PCGF5: variants seen among roughly 807,000 people sequenced by gnomAD.
PCGF5 encodes the protein polycomb group ring finger 5, also known as polycomb group RING finger protein 5.
Under a neutral mutation model 44.3 loss-of-function variants are expected in PCGF5, and 9 were observed. The ratio of observed to expected loss-of-function variants is 0.20; its 90% CI spans 0.12 to 0.35. PCGF5 has a LOEUF of 0.35. Among genes scored for constraint, PCGF5 ranks in the 10% least tolerant of loss-of-function variants. PCGF5 has a pLI of 1.00. For missense variants in PCGF5, 146 were observed against 305.3 expected (o/e 0.48, Z 3.89); for synonymous variants, 95 against 102.5 (o/e 0.93, Z 0.44).
At chr10:91,236,885 C>T (rs1456705371) in intron 2 of PCGF5, among the ~76,000 whole-genome samples, 3 of 152,106 alleles carry the variant, frequency 2.0e-5, no homozygotes, top group Non-Finnish European at 2.9e-5. Context: ...AAATAAGCTA[C>T]TGAAAAGGGC....
chr10:91,217,643 T>C (rs1367084528), upstream of PCGF5, among the ~76,000 whole-genome samples: 4 of 152,238 alleles, frequency 2.6e-5, no homozygotes, highest in Non-Finnish European at 5.9e-5. Context: ...GCAGCAGTTA[T>C]CACTTTGGGA....
chr10:91,237,038 A>AACAAAATGGATTCAAATATTGGTTT (rs1461416212), intron 2 of PCGF5, among the ~76,000 whole-genome samples: 4 of 152,234 alleles, frequency 2.6e-5, no homozygotes, highest in Admixed American at 2.0e-4. Flanking sequence ...TACATTGGTT[A>AACAAAATGGATTCAAATATTGGTTT]ACAAAATGGA....
At chr10:91,177,731 C>T (rs1252472464) in intron 1 of PCGF5, among the ~76,000 whole-genome samples, 2 of 152,152 alleles carry the variant, frequency 1.3e-5, no homozygotes, top group African/African-American at 2.4e-5. Flanking sequence ...TCTCCTGGTG[C>T]GCCATTTGCT....
At chr10:91,182,470 T>C (rs1302370975) in intron 1 of PCGF5, among the ~76,000 whole-genome samples, 1 of 152,080 alleles carries the variant, frequency 6.6e-6, no homozygotes, top group East Asian at 1.9e-4. Flanking sequence ...GTTGTCTATA[T>C]ATTTTATTAT....
intron 1 of PCGF5, among the ~76,000 whole-genome samples, chr10:91,189,589 A>G (rs1327775047): frequency 6.6e-6 from 1 of 152,252 alleles, no homozygotes; most frequent in Admixed American, 6.5e-5. Flanking sequence ...CAAGCTGATA[A>G]GATCTTTCCA....
At chr10:91,163,072 C>G (rs1843418705) in exon 1 of PCGF5, 1 of 149,052 alleles carries the variant, frequency 6.7e-6, no homozygotes, top group African/African-American at 2.4e-5. Flanking sequence ...CGTGGCCTCT[C>G]GAGAGCAAGG....
intron 1 of PCGF5, among the ~76,000 whole-genome samples, chr10:91,170,514 G>A (rs1358853388): frequency 6.6e-6 from 1 of 152,134 alleles, no homozygotes; most frequent in East Asian, 1.9e-4. Flanking sequence ...AAAAGATACT[G>A]CACATCATAT....
Position 91,251,357 on chromosome 10 carries a change from G to A in PCGF5, c.391G>A (p.Asp131Asn). 1 of 1,610,690 alleles carries A rather than the reference G, an allele frequency of 6.2e-7. No homozygotes were observed. Among genetic ancestry groups the A allele is most frequent in the Non-Finnish European group, 8.5e-7 (1 of 1,177,720 alleles). ...AGGTGATGAAAATGAAGATGATAAA[G>A]ATTATCACAGAAGTGACCCACAAAT... Reference protein sequence around the residue: ...EEGDENEDDKDYHRSDPQIAI... With the variant: ...EEGDENEDDKNYHRSDPQIAI... Residue 131 changes from aspartate (D) to asparagine (N), a missense_variant, in exon 6 of 10, where the codon GAT (aspartate) becomes AAT (asparagine). Transcript: ENST00000336126.
chr10:91,246,875 A>G (rs1179279247), intron 3 of PCGF5, among the ~76,000 whole-genome samples: 1 of 152,134 alleles, frequency 6.6e-6, no homozygotes, highest in Non-Finnish European at 1.5e-5. Flanking sequence ...AAAAGGAGGT[A>G]CTTGAAATGT....
At chr10:91,270,234 T>G (rs1036440289) in intron 8 of PCGF5, among the ~76,000 whole-genome samples, 5 of 152,182 alleles carry the variant, frequency 3.3e-5, no homozygotes, top group African/African-American at 1.2e-4. Flanking sequence ...TCATCCTGAT[T>G]TAGTTTTATC....
At chr10:91,177,100 CTGTT>C (rs1289739317) in intron 1 of PCGF5, among the ~76,000 whole-genome samples, 1 of 152,194 alleles carries the variant, frequency 6.6e-6, no homozygotes, top group Non-Finnish European at 1.5e-5. Context: ...GATGTCCTTT[CTGTT>C]TGTTAGTTTT....
At chr10:91,204,432 A>G (rs911218661) in intron 1 of PCGF5, among the ~76,000 whole-genome samples, 1 of 152,190 alleles carries the variant, frequency 6.6e-6, no homozygotes, top group African/African-American at 2.4e-5. Context: ...CTTCATAGAT[A>G]TTAATTTAAT....
intron 1 of PCGF5, among the ~76,000 whole-genome samples, chr10:91,188,921 G>A (rs1217663158): frequency 6.6e-6 from 1 of 152,206 alleles, no homozygotes; most frequent in Non-Finnish European, 1.5e-5. Flanking sequence ...GAAAGGTAAA[G>A]AGGCATACAG....
intron 9 of PCGF5, 57 bp downstream of exon 9, chr10:91,271,754 A>T (rs1476204389): frequency 2.1e-6 from 3 of 1,407,178 alleles, no homozygotes; most frequent in Non-Finnish European, 3.0e-6. Flanking sequence ...CGGTGAGCAC[A>T]TTCATCCCAA....
intron 6 of PCGF5, among the ~76,000 whole-genome samples, chr10:91,257,464 A>T (rs1845784715): frequency 6.6e-6 from 1 of 151,386 alleles, no homozygotes; most frequent in Admixed American, 6.6e-5. Context: ...TCCCCCCCTT[A>T]TCTGTGGAGC....
rs1846187886 is a variant in PCGF5 at position 91,271,780 on chromosome 10, C to T, written c.723+83C>T. The T allele has an allele frequency of 3.3e-6, 4 of 1,200,438 alleles. No individual in the cohort carries two copies. In the Admixed American group the frequency reaches 5.3e-5, roughly 16 times the overall value. 74.4% of individuals were successfully genotyped at this position (1,200,438 alleles called of 1,614,324 possible). A position where few individuals can be genotyped will look rare whatever the true frequency, so the allele number is the denominator to read the frequency against. ...TTCATCCCAAACTCAATTCCTAAGA[C>T]ATTTAACTTTGTAAAACTGTTACTG... On this transcript the variant is annotated intron_variant, in intron 9 of 9. Transcript: ENST00000336126.
Position 91,253,107 on chromosome 10 carries a change from A to G in PCGF5, c.474+1667A>G, listed in dbSNP as rs183595213. On this transcript the variant is annotated intron_variant, in intron 6 of 9. Transcript: ENST00000336126. The stretch of plus-strand genomic sequence containing the variant: ...TGCCTTCTACTTGATATATGTAAGT[A>G]TGTCCTAATACTTTCTCTGTATCTA... Among the ~76,000 whole-genome samples, 24 of 151,982 alleles carry G rather than the reference A, an allele frequency of 1.6e-4. No individual in the cohort carries two copies. In the East Asian group the frequency reaches 3.1e-3, roughly 20 times the overall value.
intron 8 of PCGF5, among the ~76,000 whole-genome samples, chr10:91,265,336 A>G (rs1383948287): frequency 1.3e-5 from 2 of 152,308 alleles, no homozygotes; most frequent in African/African-American, 2.4e-5. Context: ...CAGTAATGCT[A>G]TCAGAAATTA....
intron 1 of PCGF5, among the ~76,000 whole-genome samples, chr10:91,193,920 C>G (rs908026704): frequency 2.0e-5 from 3 of 152,064 alleles, no homozygotes; most frequent in Non-Finnish European, 4.4e-5. Context: ...AAGACGAAGT[C>G]CATTTCTTTG....
Sources: gnomAD v4.1 joint callset for allele counts (sites outside exome capture counted in the v4.1 genomes callset) on GRCh38, gnomAD v4.1.1 for gene constraint, MANE v1.5 for transcripts, NCBI Gene and HGNC (gene_info 2026-07-23, HGNC 2026-07-21) for gene names.